Variants in BACH2 observed in about 807,000 individuals in gnomAD.
BACH2 encodes the protein BACH transcriptional regulator 2.
In BACH2, 5 loss-of-function variants were observed where a neutral mutation model predicts 61.8. That is an observed-to-expected ratio of 0.08 (90% CI 0.04 to 0.17). BACH2 has a LOEUF of 0.17. Among genes scored for constraint, BACH2 ranks in the 10% least tolerant of loss-of-function variants. The pLI is 1.00. For synonymous variants in BACH2, 446 were observed against 440.1 expected, an observed-to-expected ratio of 1.01 and a Z score of -0.17; for missense variants, 824 against 1,091.1, an observed-to-expected ratio of 0.76 and a Z score of 3.45.
chr6:90,259,647 T>C (rs1562530443), intron 2 of BACH2, among the ~76,000 whole-genome samples: 1 of 152,190 alleles, frequency 6.6e-6, no homozygotes, highest in Non-Finnish European at 1.5e-5. Context: ...GAAGTACTGG[T>C]ATCAATTCTT....
chr6:89,950,723 C>T lies in BACH2; in HGVS notation c.1383G>A (p.Pro461=), dbSNP rs569909772. Residue 461 remains proline (P), a synonymous_variant, in exon 7 of 9, where the codon CCG becomes CCA. Transcript: ENST00000257749. This position sits in a 1 kb window ranked among gnomAD's most constrained non-coding sequence, Gnocchi z 5.3. The stretch of plus-strand genomic sequence containing the variant: ...CTCCCACCCACAGACCCTTTGGCAC[C>T]GGCTCAGAGAGGTCTTTGTCCAAAC... ...VSSLDKDLSE[P]VPKGLWVGAG... The T allele has an allele frequency of 3.3e-5, 53 of 1,614,152 alleles. No individual in the cohort carries two copies. Among genetic ancestry groups the T allele is most frequent in the South Asian group, 4.4e-5 (4 of 91,080 alleles).
intron 4 of BACH2, among the ~76,000 whole-genome samples, chr6:90,133,543 A>T (rs1344361141): frequency 2.0e-5 from 3 of 151,978 alleles, no homozygotes; most frequent in African/African-American, 7.2e-5. Flanking sequence ...TTATTTATTT[A>T]TTTATTTTTT....
intron 4 of BACH2, among the ~76,000 whole-genome samples, chr6:90,107,044 T>C (rs1255715895): frequency 2.0e-5 from 3 of 152,230 alleles, no homozygotes; most frequent in Admixed American, 1.3e-4. Context: ...TAAAAATATT[T>C]AAGTTCTAAA....
At chr6:90,258,120 T>A (rs958936888) in intron 2 of BACH2, among the ~76,000 whole-genome samples, 3 of 152,212 alleles carry the variant, frequency 2.0e-5, no homozygotes, top group African/African-American at 7.2e-5. Context: ...CTTGTTGTGA[T>A]ATCCAAAAGC....
At position 90,158,766 on chromosome 6, in the gene BACH2, G is replaced by GC. The variant is rs1193046932; in HGVS notation, c.-162+47802_-162+47803insG. 1.6e-4 allele frequency among the ~76,000 whole-genome samples: 4 copies of GC among 25,502 alleles called. No individual in the cohort carries two copies. The East Asian group carries it at 3.4e-3, about 22-fold the overall frequency. 16.7% of individuals were successfully genotyped at this position (25,502 alleles called of 152,430 possible). A position where few individuals can be genotyped will look rare whatever the true frequency, so the allele number is the denominator to read the frequency against. On this transcript the variant is annotated intron_variant, in intron 4 of 8. Coordinates refer to ENST00000257749, the MANE Select transcript of BACH2 (RefSeq NM_021813.4). ...GTCTCCCTCTGTGTCTTCTTTTGGT[G>GC]GGGGGGGGGCACTTACTCACATAGC...
rs1212561821 is a variant in BACH2, at chr6:89,926,759, CAAT to C, written c.*5646_*5648del. On this transcript the variant is annotated 3_prime_UTR_variant, in exon 9 of 9. Transcript: ENST00000257749. ...AGCATCAACAGCCTTTCATTTTTTA[CAAT>C]AAAAACCACGAGAAAAACCACAATC... 6.6e-6 allele frequency: 1 copy of C among 152,454 alleles called. No homozygotes were observed. The highest frequency in any genetic ancestry group is 1.5e-5 in the Non-Finnish European group (1 of 68,000). 9.4% of individuals were successfully genotyped at this position (152,454 alleles called of 1,614,324 possible). A position where few individuals can be genotyped will look rare whatever the true frequency, so the allele number is the denominator to read the frequency against.
intron 5 of BACH2, among the ~76,000 whole-genome samples, chr6:90,023,892 GT>G (rs1365041642): frequency 2.0e-5 from 3 of 152,106 alleles, no homozygotes; most frequent in African/African-American, 7.2e-5. Flanking sequence ...ATAAATGTTT[GT>G]TGTTTGAGCC....
At chr6:90,224,595 T>A (rs1055641148) in intron 3 of BACH2, among the ~76,000 whole-genome samples, 2 of 152,136 alleles carry the variant, frequency 1.3e-5, no homozygotes, top group Non-Finnish European at 2.9e-5. Flanking sequence ...TCCTAATGTG[T>A]TAAAATTTGG....
At chr6:89,978,372 T>C (rs1166444075) in intron 6 of BACH2, among the ~76,000 whole-genome samples, 2 of 152,128 alleles carry the variant, frequency 1.3e-5, no homozygotes, top group Non-Finnish European at 2.9e-5. Context: ...CCAAAAGCTC[T>C]GTAAAAACAA....
intron 4 of BACH2, among the ~76,000 whole-genome samples, chr6:90,099,648 C>G (rs1782531565): frequency 6.6e-6 from 1 of 152,084 alleles, no homozygotes; most frequent in Non-Finnish European, 1.5e-5. Context: ...ATTTCATTCC[C>G]TTCTAACTCT....
chr6:90,279,715 T>C (rs531721542), intron 1 of BACH2, among the ~76,000 whole-genome samples: 11 of 152,276 alleles, frequency 7.2e-5, no homozygotes, highest in African/African-American at 2.4e-4. Flanking sequence ...AGAACATCTA[T>C]TCATGAGACG....
chr6:89,976,629 G>A (rs1317347346), intron 6 of BACH2, among the ~76,000 whole-genome samples: 1 of 152,238 alleles, frequency 6.6e-6, no homozygotes, highest in African/African-American at 2.4e-5. Context: ...TATGGGTCAC[G>A]TACCCACTAA....
At chr6:90,187,942 A>C (rs1219950171) in intron 4 of BACH2, among the ~76,000 whole-genome samples, 2 of 152,196 alleles carry the variant, frequency 1.3e-5, no homozygotes, top group Non-Finnish European at 2.9e-5. Flanking sequence ...CCAGAAGAGC[A>C]CAAGTGCCCC....
intron 4 of BACH2, among the ~76,000 whole-genome samples, chr6:90,159,954 T>C (rs1785133217): frequency 6.6e-6 from 1 of 152,226 alleles, no homozygotes; most frequent in South Asian, 2.1e-4. Context: ...ACAAAAGGAA[T>C]CATAATTTTT....
chr6:90,240,721 T>C (rs1770422317), intron 3 of BACH2, among the ~76,000 whole-genome samples: 1 of 152,178 alleles, frequency 6.6e-6, no homozygotes, highest in Admixed American at 6.5e-5. Context: ...GCTTTGTGGC[T>C]TTCTTAGAGT....
intron 3 of BACH2, among the ~76,000 whole-genome samples, chr6:90,242,153 T>C (rs1010788981): frequency 6.6e-6 from 1 of 152,170 alleles, no homozygotes; most frequent in African/African-American, 2.4e-5. Flanking sequence ...GTTACACAGT[T>C]GTATGGGTTT....
intron 3 of BACH2, among the ~76,000 whole-genome samples, chr6:90,224,258 G>T (rs1457496520): frequency 6.6e-6 from 1 of 152,172 alleles, no homozygotes; most frequent in African/African-American, 2.4e-5. Context: ...TGTAGAGTGG[G>T]TAGACATGAT....
At chr6:90,289,162 A>C (rs1037848731) in intron 1 of BACH2, among the ~76,000 whole-genome samples, 3 of 152,220 alleles carry the variant, frequency 2.0e-5, no homozygotes, top group Admixed American at 6.5e-5. Flanking sequence ...TTTTAGAGTG[A>C]GATGACCTTT....
intron 4 of BACH2, among the ~76,000 whole-genome samples, chr6:90,103,988 C>T (rs1197608944): frequency 6.6e-6 from 1 of 152,146 alleles, no homozygotes; most frequent in African/African-American, 2.4e-5. Context: ...AGTGAAGTGG[C>T]CTGGTCAGTG....
Sources: allele counts gnomAD v4.1 joint callset (sites outside exome capture counted in the v4.1 genomes callset), GRCh38; gene constraint gnomAD v4.1.1; non-coding constraint Gnocchi (gnomAD v3.1); transcripts MANE v1.5; gene names NCBI Gene and HGNC (gene_info 2026-07-23, HGNC 2026-07-21).